Variants in CD96 observed in about 807,000 individuals in gnomAD.
The protein encoded by CD96 is T-cell surface protein tactile.
Under a neutral mutation model 71.3 loss-of-function variants are expected in CD96, and 70 were observed. The ratio of observed to expected loss-of-function variants is 0.98; its 90% CI spans 0.81 to 1.20. CD96 has a LOEUF of 1.20. Ranked by LOEUF, CD96 falls within the 50% of genes most tolerant of loss-of-function variation. CD96 has a pLI of 0.00. For synonymous variants in CD96, 248 were observed against 233.0 expected, an observed-to-expected ratio of 1.06 and a Z score of -0.59; for missense variants, 742 against 677.5, an observed-to-expected ratio of 1.10 and a Z score of -1.06.
intron 5 of CD96, among the ~76,000 whole-genome samples, chr3:111,585,945 A>G (rs986105203): frequency 6.6e-6 from 1 of 152,184 alleles, no homozygotes; most frequent in Non-Finnish European, 1.5e-5. Flanking sequence ...TGTAGTCACT[A>G]GGATCTGGAC....
chr3:111,638,641 C>T (rs1939449198), intron 12 of CD96, among the ~76,000 whole-genome samples: 1 of 152,044 alleles, frequency 6.6e-6, no homozygotes, highest in Non-Finnish European at 1.5e-5. Context: ...CATAAGAGAG[C>T]AAAAGATTCA....
chr3:111,563,649 G>A (rs1935564149), intron 2 of CD96, among the ~76,000 whole-genome samples: 2 of 151,890 alleles, frequency 1.3e-5, no homozygotes, highest in African/African-American at 4.8e-5. Context: ...ACCTCCTCAT[G>A]TCCCCATAAC....
intron 4 of CD96, among the ~76,000 whole-genome samples, chr3:111,581,174 A>G (rs565361914): frequency 1.3e-5 from 2 of 151,986 alleles, no homozygotes; most frequent in Admixed American, 6.5e-5. Flanking sequence ...CTTTCGGTGG[A>G]TGCTTAAAAA....
chr3:111,630,233 TA>T (rs1389024248), intron 10 of CD96, among the ~76,000 whole-genome samples: 3 of 151,962 alleles, frequency 2.0e-5, no homozygotes, highest in Admixed American at 6.6e-5. Context: ...GCTGGTTTTT[TA>T]AAAAAGATTA....
At chr3:111,552,518 G>C (rs1175172431) in intron 2 of CD96, among the ~76,000 whole-genome samples, 1 of 152,152 alleles carries the variant, frequency 6.6e-6, no homozygotes, top group African/African-American at 2.4e-5. Flanking sequence ...TCACAAAACA[G>C]ACTGAAATAG....
chr3:111,594,356 G>T lies in CD96; in HGVS notation c.808-3764G>T, dbSNP rs559174880. The stretch of plus-strand genomic sequence containing the variant: ...GTCTGGCCACACCTGGGTGGTGTGA[G>T]GTTTCTTCCTTTCTGCTTCACTGGA... On this transcript the variant is annotated intron_variant, in intron 5 of 13. Transcript: ENST00000352690. 4 of 873,954 alleles carry T rather than the reference G, an allele frequency of 4.6e-6. No homozygotes were observed. In the East Asian group the frequency reaches 1.0e-4, roughly 23 times the overall value. The allele number at this position is 873,954 out of a possible 1,614,324, so 54.1% of individuals were successfully genotyped here.
chr3:111,613,769 G>C (rs1182531749), intron 8 of CD96, among the ~76,000 whole-genome samples: 1 of 152,182 alleles, frequency 6.6e-6, no homozygotes, highest in Non-Finnish European at 1.5e-5. Context: ...ATTTCTATTT[G>C]AGACAATAAG....
At chr3:111,567,418 G>A (rs943699780) in intron 2 of CD96, 105 bp from the exon 3 acceptor site, 1 of 873,698 alleles carries the variant, frequency 1.1e-6, no homozygotes, top group Non-Finnish European at 1.9e-6. Flanking sequence ...TGTACCCTGA[G>A]GACAGATGAA....
chr3:111,657,640 T>G (rs925478097), intron 14 of CD96, among the ~76,000 whole-genome samples: 1 of 152,142 alleles, frequency 6.6e-6, no homozygotes, highest in Non-Finnish European at 1.5e-5. Flanking sequence ...TGTGTTGTCA[T>G]TGGGTGCCCA....
chr3:111,655,323 C>G (rs1227212099), downstream of CD96, among the ~76,000 whole-genome samples: 1 of 152,090 alleles, frequency 6.6e-6, no homozygotes, highest in African/African-American at 2.4e-5. Flanking sequence ...ATTCCACACT[C>G]ATGAAATTGA....
At chr3:111,633,265 C>A (rs1254003766) in intron 10 of CD96, among the ~76,000 whole-genome samples, 1 of 152,040 alleles carries the variant, frequency 6.6e-6, no homozygotes, top group East Asian at 1.9e-4. Flanking sequence ...CAACATTTAT[C>A]AATTAAGTTC....
chr3:111,603,271 G>T (rs1049477353), intron 7 of CD96, among the ~76,000 whole-genome samples: 2 of 152,006 alleles, frequency 1.3e-5, no homozygotes, highest in Non-Finnish European at 2.9e-5. Flanking sequence ...GTGACACTTT[G>T]TCTCTACCAA....
At chr3:111,568,620 T>C (rs1292237334) in intron 3 of CD96, among the ~76,000 whole-genome samples, 2 of 152,248 alleles carry the variant, frequency 1.3e-5, no homozygotes, top group African/African-American at 4.8e-5. Flanking sequence ...TTATCTACTT[T>C]GTCTGCCTTT....
intron 2 of CD96, among the ~76,000 whole-genome samples, chr3:111,567,204 A>C (rs1553700351): frequency 6.6e-6 from 1 of 152,186 alleles, no homozygotes; most frequent in Non-Finnish European, 1.5e-5. Context: ...TTTGTATTCT[A>C]TCTGATCAAG....
At chr3:111,643,153 A>G (rs1939672578) in intron 12 of CD96, among the ~76,000 whole-genome samples, 1 of 152,062 alleles carries the variant, frequency 6.6e-6, no homozygotes, top group Admixed American at 6.6e-5. Context: ...TGAGTTTCAT[A>G]CCAGGGATGC....
chr3:111,648,339 A>G (rs1462011252), intron 13 of CD96, among the ~76,000 whole-genome samples: 1 of 152,206 alleles, frequency 6.6e-6, no homozygotes, highest in African/African-American at 2.4e-5. Flanking sequence ...TTGTCTTACT[A>G]CTACTCTAAG....
intron 2 of CD96, among the ~76,000 whole-genome samples, chr3:111,557,742 G>A (rs1935146202): frequency 7.3e-6 from 1 of 136,528 alleles, no homozygotes; most frequent in African/African-American, 2.8e-5. Context: ...ATTCTGTGAA[G>A]AAAGTCATTG....
At chr3:111,553,438 T>G (rs1033015146) in intron 2 of CD96, among the ~76,000 whole-genome samples, 5 of 148,268 alleles carry the variant, frequency 3.4e-5, no homozygotes, top group African/African-American at 1.2e-4. Context: ...TTTTTTCTTT[T>G]TTTTTTTTTT....
Position 111,567,753 on chromosome 3 carries a change from A to G in CD96, c.543+106A>G, listed in dbSNP as rs146909370. 5.1e-3 allele frequency: 5,340 copies of G among 1,037,274 alleles called. 40 individuals carry two copies. Among genetic ancestry groups the G allele is most frequent in the Middle Eastern group, 0.026 (122 of 4,754 alleles). 64.3% of individuals were successfully genotyped at this position (1,037,274 alleles called of 1,614,324 possible). ...GGAAGGAAGCATACAAATAACAGGC[A>G]GGCATTATGCCAGTGGTGGGAAGAG... On this transcript the variant is annotated intron_variant, in intron 3 of 13. Transcript: ENST00000352690.
Sources: gnomAD v4.1 joint callset for allele counts (sites outside exome capture counted in the v4.1 genomes callset) on GRCh38, gnomAD v4.1.1 for gene constraint, MANE v1.5 for transcripts, NCBI Gene and HGNC (gene_info 2026-07-23, HGNC 2026-07-21) for gene names.